Variants in ABR observed in about 807,000 individuals in gnomAD.
The protein encoded by ABR is ABR activator of RhoGEF and GTPase.
A neutral mutation model predicts 107.2 loss-of-function variants in ABR; 35 were observed. The observed-to-expected ratio is 0.33, with a 90% confidence interval of 0.25 to 0.43. The LOEUF (loss-of-function observed/expected upper bound fraction) is 0.43, where lower values mean the gene tolerates loss of function less well. Among genes scored for constraint, ABR ranks in the 20% least tolerant of loss-of-function variants. The probability of loss-of-function intolerance (pLI) is 1.00; values close to 1 mark genes in which losing one functional copy is unlikely to be tolerated. For missense variants in ABR, 815 were observed against 1,115.2 expected, an observed-to-expected ratio of 0.73 and a Z score of 3.83; for synonymous variants, 498 against 462.0, an observed-to-expected ratio of 1.08 and a Z score of -1.00.
intron 1 of ABR, among the ~76,000 whole-genome samples, chr17:1,146,169 G>T (rs1022151546): frequency 6.6e-6 from 1 of 152,010 alleles, no homozygotes; most frequent in Non-Finnish European, 1.5e-5. Context: ...TTCCTCCAGA[G>T]TGGTGCAAAG....
At chr17:1,059,325 T>A (rs747115476) in intron 10 of ABR, among the ~76,000 whole-genome samples, 3 of 152,192 alleles carry the variant, frequency 2.0e-5, no homozygotes, top group Non-Finnish European at 4.4e-5. Flanking sequence ...TTTCTTTCCA[T>A]TCCTGCCTCC....
intron 3 of ABR, among the ~76,000 whole-genome samples, chr17:1,095,982 G>A (rs767775944): frequency 6.6e-6 from 1 of 152,228 alleles, no homozygotes; most frequent in African/African-American, 2.4e-5. Flanking sequence ...GTGGCCAGCG[G>A]TGGGAGGGGC....
rs549009854 is a variant in ABR, at chr17:1,159,084, G to A, written c.61+20583C>T. 4.6e-5 allele frequency among the ~76,000 whole-genome samples: 7 copies of A among 152,340 alleles called. No homozygotes were observed. The South Asian group carries it at 6.2e-4, about 14-fold the overall frequency. On this transcript the variant is annotated intron_variant, in intron 1 of 22. Transcript: ENST00000302538. ...TTCTCTGAAGAATGTTTTGAAATGCGTAAAACTAAACTATGCAGGATGACA... is the reference window on the plus strand; with the variant it reads ...TTCTCTGAAGAATGTTTTGAAATGCATAAAACTAAACTATGCAGGATGACA...
chr17:1,041,154 A>G (rs988278158), intron 16 of ABR, among the ~76,000 whole-genome samples: 3 of 151,924 alleles, frequency 2.0e-5, no homozygotes, highest in Non-Finnish European at 4.4e-5. Context: ...TCCTGACCTC[A>G]TGATCCGCCC....
At chr17:1,017,285 C>T (rs1408885081) in intron 16 of ABR, among the ~76,000 whole-genome samples, 1 of 152,024 alleles carries the variant, frequency 6.6e-6, no homozygotes, top group Non-Finnish European at 1.5e-5. Context: ...TTTGCAAACC[C>T]TCCTGGATCA....
At chr17:1,124,959 G>A (rs541991023) in intron 2 of ABR, among the ~76,000 whole-genome samples, 6 of 152,118 alleles carry the variant, frequency 3.9e-5, no homozygotes, top group Non-Finnish European at 5.9e-5. Context: ...GCTAGTAGAC[G>A]GGGAGAGACA....
Position 1,167,923 on chromosome 17 carries a change from C to T in ABR, c.61+11744G>A, listed in dbSNP as rs952329605. Among the ~76,000 whole-genome samples, 8 of 151,522 alleles carry T rather than the reference C, an allele frequency of 5.3e-5. No homozygotes were observed. The East Asian group carries it at 9.7e-4, about 18-fold the overall frequency. ...ATCCCAGCACTTTGGGAGGCCGAGG[C>T]GGACAGATCACTTGAGGTCAGGAGT... On this transcript the variant is annotated intron_variant, in intron 1 of 22. Coordinates refer to ENST00000302538, the MANE Select transcript of ABR (RefSeq NM_021962.5).
rs1341700354 is a variant in ABR, at chr17:1,135,360, ATTCT to A, written c.62-9997_62-9994del. ...CTGAATATTGCTAACTTTATTTTTT[ATTCT>A]TTTTCTTTTTGTCTTTTTTTTTTTT... On this transcript the variant is annotated intron_variant, in intron 1 of 22. Coordinates refer to ENST00000302538, the MANE Select transcript of ABR (RefSeq NM_021962.5). Among the ~76,000 whole-genome samples the A allele has an allele frequency of 2.2e-5, 3 of 137,306 alleles. No homozygotes were observed. In the East Asian group the frequency reaches 6.7e-4, roughly 31 times the overall value. 90.1% of individuals were successfully genotyped at this position (137,306 alleles called of 152,430 possible).
At chr17:1,048,861 C>T (rs761364749) in intron 16 of ABR, among the ~76,000 whole-genome samples, 4 of 152,250 alleles carry the variant, frequency 2.6e-5, no homozygotes, top group Admixed American at 6.5e-5. Flanking sequence ...AAGCTCAGCA[C>T]GCCCAACGCC....
intron 16 of ABR, among the ~76,000 whole-genome samples, chr17:1,033,483 C>A (rs891489427): frequency 6.6e-6 from 1 of 152,250 alleles, no homozygotes; most frequent in East Asian, 1.9e-4. Flanking sequence ...GTCTGGCTAA[C>A]TCCAAAGCCC....
intron 3 of ABR, among the ~76,000 whole-genome samples, chr17:1,098,939 C>T (rs187251227): frequency 2.0e-5 from 3 of 152,274 alleles, no homozygotes; most frequent in Admixed American, 6.5e-5. Flanking sequence ...GGGCCCGCCA[C>T]CACGCCCAGC....
At position 1,004,389 on chromosome 17, in the gene ABR, C is replaced by T. The variant is rs927292550; in HGVS notation, c.*1691G>A. 65 of 152,720 alleles carry T rather than the reference C, an allele frequency of 4.3e-4. No individual in the cohort carries two copies. The highest frequency in any genetic ancestry group is 1.3e-3 in the African/African-American group (56 of 41,580). 9.5% of individuals were successfully genotyped at this position (152,720 alleles called of 1,614,324 possible). On this transcript the variant is annotated 3_prime_UTR_variant, in exon 23 of 23. Transcript: ENST00000302538. ...CAGGCTCAAAAAGGGCCTCTCACCG[C>T]GCACGCGCTGCAGCGTTAGGGCCGG...
At chr17:1,194,681 T>G (rs2042513164) in intron 1 of ABR, among the ~76,000 whole-genome samples, 1 of 121,240 alleles carries the variant, frequency 8.2e-6, no homozygotes, top group South Asian at 3.1e-4. Flanking sequence ...TAAGATGGAG[T>G]CTCGCTCTGT....
chr17:1,060,786 T>A (rs1163635040), intron 10 of ABR, among the ~76,000 whole-genome samples: 4 of 151,354 alleles, frequency 2.6e-5, no homozygotes, highest in Admixed American at 6.6e-5. Context: ...AGGTCAGGAG[T>A]TTGAGACCAG....
intron 1 of ABR, among the ~76,000 whole-genome samples, chr17:1,223,832 C>T (rs1020751108): frequency 6.6e-6 from 1 of 152,166 alleles, no homozygotes; most frequent in Admixed American, 6.5e-5. Flanking sequence ...CTCATGAGAA[C>T]TCCCCTCGTG....
intron 16 of ABR, among the ~76,000 whole-genome samples, chr17:1,043,329 G>A (rs376225901): frequency 9.2e-5 from 14 of 151,920 alleles, no homozygotes; most frequent in South Asian, 8.3e-4. Flanking sequence ...CACCACGCCC[G>A]GCTAATTTTT....
At position 1,050,751 on chromosome 17, in the gene ABR, G is replaced by T; in HGVS notation, c.1562-117C>A. 1 of 804,990 alleles carries T rather than the reference G, an allele frequency of 1.2e-6. No individual in the cohort carries two copies. Among genetic ancestry groups the T allele is most frequent in the Non-Finnish European group, 2.1e-6 (1 of 477,860 alleles). 49.9% of individuals were successfully genotyped at this position (804,990 alleles called of 1,614,324 possible). On this transcript the variant is annotated intron_variant, in intron 14 of 22. Coordinates refer to ENST00000302538, the MANE Select transcript of ABR (RefSeq NM_021962.5). This position sits in a 1 kb window ranked among gnomAD's most constrained non-coding sequence, Gnocchi z 4.6. The stretch of plus-strand genomic sequence containing the variant: ...TGTCCTTTCCAACGTCCCCACGGAT[G>T]GCATCTTGGCTCTCTCCTCCCTGAA...
At position 1,065,880 on chromosome 17, in the gene ABR, G is replaced by C. The variant is rs563399438; in HGVS notation, c.1182+1197C>G. Among the ~76,000 whole-genome samples the C allele has an allele frequency of 2.0e-5, 3 of 151,888 alleles. No individual in the cohort carries two copies. In the East Asian group the frequency reaches 5.8e-4, roughly 29 times the overall value. On this transcript the variant is annotated intron_variant, in intron 10 of 22. Transcript: ENST00000302538. ...CCTGTCTCAGCCTCCTGAGTAGCTG[G>C]GATTACAGGCGGAAGCCACCACGCC...
At chr17:1,168,738 G>A (rs901411094) in intron 1 of ABR, among the ~76,000 whole-genome samples, 2 of 152,248 alleles carry the variant, frequency 1.3e-5, no homozygotes, top group African/African-American at 4.8e-5. Context: ...GGCTGTGCTG[G>A]CAGCTGACCA....
Sources: allele counts gnomAD v4.1 joint callset (sites outside exome capture counted in the v4.1 genomes callset), GRCh38; gene constraint gnomAD v4.1.1; non-coding constraint Gnocchi (gnomAD v3.1); transcripts MANE v1.5; gene names NCBI Gene and HGNC (gene_info 2026-07-23, HGNC 2026-07-21).